CSNK1E: variants seen among roughly 807,000 people sequenced by gnomAD.
CSNK1E encodes casein kinase 1 epsilon.
In CSNK1E, 17 loss-of-function variants were observed where a neutral mutation model predicts 46.1. The observed-to-expected ratio is 0.37, with a 90% CI of 0.25 to 0.55. The LOEUF (loss-of-function observed/expected upper bound fraction) is 0.55, where lower values mean the gene tolerates loss of function less well. Among genes scored for constraint, CSNK1E ranks in the 20% least tolerant of loss-of-function variants. The probability of loss-of-function intolerance (pLI) is 0.82; values close to 1 mark genes in which losing one functional copy is unlikely to be tolerated. For missense variants in CSNK1E, 386 were observed against 595.4 expected (o/e 0.65, Z 3.66); for synonymous variants, 241 against 242.6 (o/e 0.99, Z 0.06).
At chr22:38,305,427 C>A (rs2092694049) in intron 2 of CSNK1E, among the ~76,000 whole-genome samples, 2 of 63,470 alleles carry the variant, frequency 3.2e-5, no homozygotes, top group African/African-American at 5.9e-5. Context: ...AATCCTAAAG[C>A]CATTTAAAAA....
chr22:38,294,970 G>C lies in CSNK1E; in HGVS notation c.886-436C>G, dbSNP rs978732732. Among the ~76,000 whole-genome samples, 3 of 152,212 alleles carry C rather than the reference G, an allele frequency of 2.0e-5. No individual in the cohort carries two copies. Among genetic ancestry groups the C allele is most frequent in the African/African-American group, 7.2e-5 (3 of 41,448 alleles). Reference sequence around the variant, plus strand: ...GAGGCCTCTAGCAGACTGGCTAGGGGTGTCCAGAGGGGGAAAAGAACAGGC... The same window carrying C: ...GAGGCCTCTAGCAGACTGGCTAGGGCTGTCCAGAGGGGGAAAAGAACAGGC... On this transcript the variant is annotated intron_variant, in intron 7 of 10. Coordinates refer to ENST00000396832, the MANE Select transcript of CSNK1E (RefSeq NM_152221.3). This position sits in a 1 kb window ranked among gnomAD's most constrained non-coding sequence, Gnocchi z 5.5.
chr22:38,293,626 C>T (rs961287756), intron 9 of CSNK1E, among the ~76,000 whole-genome samples: 1 of 152,078 alleles, frequency 6.6e-6, no homozygotes, highest in Non-Finnish European at 1.5e-5. Context: ...AGGACGAGGG[C>T]AGGGCTCCCA....
Position 38,294,092 on chromosome 22 carries a change from G to A in CSNK1E, c.1218+17C>T, listed in dbSNP as rs1207062712. 3 of 1,606,104 alleles carry A rather than the reference G, an allele frequency of 1.9e-6. No individual in the cohort carries two copies. The highest frequency in any genetic ancestry group is 2.7e-5 in the African/African-American group (2 of 75,034). On this transcript the variant is annotated intron_variant, in intron 9 of 10. Transcript: ENST00000396832. The surrounding 1 kb of genome is among the most constrained non-coding windows in gnomAD (Gnocchi z 5.5). ...TCAGTTCTGAGGCCCAGAGGGACTG[G>A]CAGGGGGGCAGCTCACCTGTGAGGC...
rs368019196 is a variant in CSNK1E at position 38,303,040 on chromosome 22, G to A, written c.188-31C>T. 20 of 1,506,618 alleles carry A rather than the reference G, an allele frequency of 1.3e-5. No homozygotes were observed. The highest frequency in any genetic ancestry group is 1.2e-4 in the African/African-American group (5 of 43,028). 93.3% of individuals were successfully genotyped at this position (1,506,618 alleles called of 1,614,324 possible). ...GGTCAAGCAGAGGGCCTCTGTCAGG[G>A]GTCAGAGGCAGGCAGCCAGCCACGC... On this transcript the variant is annotated intron_variant, in intron 3 of 10. Transcript: ENST00000396832. This position sits in a 1 kb window ranked among gnomAD's most constrained non-coding sequence, Gnocchi z 4.7.
chr22:38,300,137 G>C lies in CSNK1E; in HGVS notation c.566-72C>G, dbSNP rs2092663357. ...GCCCCTAACTCATCCTCTGGGTCAT[G>C]CTCCTCACAATGCACCAGGACCCTC... On this transcript the variant is annotated intron_variant, in intron 5 of 10. Transcript: ENST00000396832. This position sits in a 1 kb window ranked among gnomAD's most constrained non-coding sequence, Gnocchi z 4.4. 2 of 1,468,370 alleles carry C rather than the reference G, an allele frequency of 1.4e-6. No individual in the cohort carries two copies. The highest frequency in any genetic ancestry group is 2.3e-5 in the East Asian group (1 of 43,038). The allele number at this position is 1,468,370 out of a possible 1,614,324, so 91.0% of individuals were successfully genotyped here.
chr22:38,313,889 C>T (rs1373880573), intron 2 of CSNK1E, among the ~76,000 whole-genome samples, 193 bp downstream of exon 2: 2 of 152,172 alleles, frequency 1.3e-5, no homozygotes, highest in Non-Finnish European at 1.5e-5. Flanking sequence ...AGTGCCCAGC[C>T]TGGCCTGCGA....
intron 2 of CSNK1E, among the ~76,000 whole-genome samples, chr22:38,306,405 A>G (rs1351295175): frequency 1.3e-5 from 2 of 152,226 alleles, no homozygotes; most frequent in African/African-American, 4.8e-5. Flanking sequence ...TTTTTAGTAT[A>G]TTCACAAGCT....
At chr22:38,315,991 G>A (rs1342073511) in intron 1 of CSNK1E, among the ~76,000 whole-genome samples, 1 of 152,036 alleles carries the variant, frequency 6.6e-6, no homozygotes, top group Admixed American at 6.5e-5. Flanking sequence ...GGTCCCTGGG[G>A]GAGCCTAGAC....
intron 2 of CSNK1E, among the ~76,000 whole-genome samples, chr22:38,313,256 C>T (rs1602563773): frequency 6.6e-6 from 1 of 152,286 alleles, no homozygotes; most frequent in East Asian, 1.9e-4. Flanking sequence ...TGTGTCTAGC[C>T]TGCTTCTGAG....
chr22:38,299,725 G>A (rs2092660894), intron 6 of CSNK1E, among the ~76,000 whole-genome samples, 170 bp downstream of exon 6: 1 of 152,244 alleles, frequency 6.6e-6, no homozygotes. Flanking sequence ...ACTCAGGCTG[G>A]TCTCGACCTC....
chr22:38,314,042 G>A, intron 2 of CSNK1E, 40 bp downstream of exon 2: 1 of 1,568,734 alleles, frequency 6.4e-7, no homozygotes. Flanking sequence ...GGTCCCATGG[G>A]CTGGCCCCAG....
At chr22:38,313,120 C>A (rs1704412788) in intron 2 of CSNK1E, among the ~76,000 whole-genome samples, 1 of 152,206 alleles carries the variant, frequency 6.6e-6, no homozygotes, top group African/African-American at 2.4e-5. Flanking sequence ...CTCCAAGGAA[C>A]CCTAACCATG....
chr22:38,303,342 C>G lies in CSNK1E; in HGVS notation c.77-94G>C. The G allele has an allele frequency of 9.0e-7, 1 of 1,110,386 alleles. No individual in the cohort carries two copies. Among genetic ancestry groups the G allele is most frequent in the Non-Finnish European group, 1.3e-6 (1 of 785,098 alleles). 68.8% of individuals were successfully genotyped at this position (1,110,386 alleles called of 1,614,324 possible). ...AAGCATTTCTGAGATCTGGCGTGTG[C>G]CGGGCCCGGGGCCATCTGCCCTTGA... On this transcript the variant is annotated intron_variant, in intron 2 of 10. Coordinates refer to ENST00000396832, the MANE Select transcript of CSNK1E (RefSeq NM_152221.3). This position sits in a 1 kb window ranked among gnomAD's most constrained non-coding sequence, Gnocchi z 4.7.
rs377709817 is a variant in CSNK1E at position 38,314,113 on chromosome 22, G to C, written c.45C>G (p.Ile15Met). The change falls in exon 2 of 11, where the codon ATC (isoleucine) becomes ATG (methionine). Residue 15 changes from isoleucine to methionine, a missense_variant. By Grantham distance (10) the Ile-to-Met change is conservative (BLOSUM62 1). Transcript: ENST00000396832. ...AGATATCTCCGAAGGACCCGCTCCC[G>C]ATCTTCCGTCCCAGGCGGTACTTGT... is the stretch of plus-strand genomic sequence containing the variant. ...VGNKYRLGRK[I>M]GSGSFGDIYL... 4 of 1,614,050 alleles carry C rather than the reference G, an allele frequency of 2.5e-6. No homozygotes were observed. Among genetic ancestry groups the C allele is most frequent in the South Asian group, 1.1e-5 (1 of 91,078 alleles).
rs1041405495 is a variant in CSNK1E, at chr22:38,298,428, G to C, written c.885+358C>G. 6.6e-6 allele frequency among the ~76,000 whole-genome samples: 1 copy of C among 152,198 alleles called. No homozygotes were observed. On this transcript the variant is annotated intron_variant, in intron 7 of 10. Transcript: ENST00000396832. This position sits in a 1 kb window ranked among gnomAD's most constrained non-coding sequence, Gnocchi z 4.2. ...GGGGCCATGGTGCAGGTAGCCACCT[G>C]GGATGTGCAGAACAGGAGCAGCAGG...
chr22:38,315,812 G>C (rs746404462), intron 1 of CSNK1E, among the ~76,000 whole-genome samples: 4 of 152,118 alleles, frequency 2.6e-5, no homozygotes, highest in Non-Finnish European at 4.4e-5. Flanking sequence ...CGTGCCCTCT[G>C]TCTGGGTGTC....
At chr22:38,310,185 C>CA (rs1339005891) in intron 2 of CSNK1E, among the ~76,000 whole-genome samples, 10 of 152,278 alleles carry the variant, frequency 6.6e-5, no homozygotes, top group Admixed American at 3.3e-4. Flanking sequence ...TGCAGGGGTG[C>CA]CCCACATGCG....
In CSNK1E at chr22:38,291,651, G is replaced by A. The variant is rs2092611273; in HGVS notation, c.*320C>T. The A allele has an allele frequency of 6.6e-6, 1 of 152,322 alleles. No homozygotes were observed. 9.4% of individuals were successfully genotyped at this position (152,322 alleles called of 1,614,324 possible). A position where few individuals can be genotyped will look rare whatever the true frequency, so the allele number is the denominator to read the frequency against. ...CGACCCGTTCCTCTCCAGGCAGGTGGTGGGTGGGGGCAGGAACAGGAGGCC... is the reference window on the plus strand; with the variant it reads ...CGACCCGTTCCTCTCCAGGCAGGTGATGGGTGGGGGCAGGAACAGGAGGCC... On this transcript the variant is annotated 3_prime_UTR_variant, in exon 11 of 11. Coordinates refer to ENST00000396832, the MANE Select transcript of CSNK1E (RefSeq NM_152221.3).
intron 7 of CSNK1E, chr22:38,296,379 C>T (rs1184370788): frequency 6.2e-5 from 87 of 1,398,982 alleles, no homozygotes; most frequent in Non-Finnish European, 7.9e-5. Flanking sequence ...CTTCCAGGCC[C>T]CAGGGATCCA....
Sources: gnomAD v4.1 joint callset for allele counts (sites outside exome capture counted in the v4.1 genomes callset) on GRCh38, gnomAD v4.1.1 for gene constraint, Gnocchi (gnomAD v3.1) non-coding constraint, MANE v1.5 for transcripts, NCBI Gene and HGNC (gene_info 2026-07-23, HGNC 2026-07-21) for gene names.